Variants in DNAH14 observed in about 807,000 individuals in gnomAD.
DNAH14 encodes axonemal beta dynein heavy chain 14.
Under a neutral mutation model 520.9 loss-of-function variants are expected in DNAH14, and 478 were observed. The ratio of observed to expected loss-of-function variants is 0.92; its 90% confidence interval spans 0.85 to 0.99. DNAH14 has a LOEUF of 0.99. DNAH14 is among the 50% of genes least tolerant of loss of function. The pLI is 0.00. For synonymous variants in DNAH14, 1,581 were observed against 1,757.2 expected, an observed-to-expected ratio of 0.90 and a Z score of 2.51; for missense variants, 4,831 against 5,234.5, an observed-to-expected ratio of 0.92 and a Z score of 2.38.
At chr1:224,951,707 G>A (rs1240048226) in intron 1 of DNAH14, among the ~76,000 whole-genome samples, 3 of 140,476 alleles carry the variant, frequency 2.1e-5, no homozygotes, top group Non-Finnish European at 4.5e-5. Context: ...CTGGAGTGCA[G>A]TGGCACAATC....
chr1:224,957,639 A>G (rs950346298), intron 3 of DNAH14, among the ~76,000 whole-genome samples: 1 of 152,142 alleles, frequency 6.6e-6, no homozygotes, highest in Non-Finnish European at 1.5e-5. Context: ...GGACTCACCC[A>G]AAGGAAACAA....
chr1:225,129,754 A>T (rs1177488494), intron 27 of DNAH14, among the ~76,000 whole-genome samples: 1 of 152,102 alleles, frequency 6.6e-6, no homozygotes, highest in African/African-American at 2.4e-5. Context: ...GGACATAGGC[A>T]TGGGCAAGGA....
chr1:225,252,239 G>T, intron 43 of DNAH14, 62 bp from the exon 44 acceptor site: 1 of 865,226 alleles, frequency 1.2e-6, no homozygotes, highest in Non-Finnish European at 1.9e-6. Flanking sequence ...AGTTTACATG[G>T]TTAGTGAAAC....
intron 79 of DNAH14, among the ~76,000 whole-genome samples, chr1:225,379,717 G>T (rs771174506): frequency 6.6e-6 from 1 of 152,024 alleles, no homozygotes; most frequent in Non-Finnish European, 1.5e-5. Context: ...TAGAGACAGG[G>T]TTTTACCATG....
rs186266333 is a variant in DNAH14 at position 225,331,426 on chromosome 1, T to C, written c.9724-11T>C. On this transcript the variant is annotated splice_polypyrimidine_tract_variant and intron_variant, in intron 64 of 85. Coordinates refer to ENST00000682510, the MANE Select transcript of DNAH14 (RefSeq NM_001367479.1). Reference sequence around the variant, plus strand: ...GATATTTTTCTCAATAATGAATTAATTATCTTTCAGGTTGAAGAACATTTG... The same window carrying C: ...GATATTTTTCTCAATAATGAATTAACTATCTTTCAGGTTGAAGAACATTTG... 3.9e-6 allele frequency: 6 copies of C among 1,547,606 alleles called. No homozygotes were observed. In the African/African-American group the frequency reaches 8.2e-5, roughly 21 times the overall value.
intron 23 of DNAH14, among the ~76,000 whole-genome samples, chr1:225,105,373 G>A (rs535009417): frequency 6.6e-6 from 1 of 152,270 alleles, no homozygotes; most frequent in East Asian, 1.9e-4. Context: ...TTGATTTGGG[G>A]TGGAGAGTTC....
chr1:225,185,425 G>C lies in DNAH14; in HGVS notation c.5670G>C (p.Lys1890Asn), dbSNP rs2084571948. ...TTGCAGAAAGAAAATCTGCTTCAAA[G>C]GTAAATGTTCTGTTAAATAAAATGT... ...LSVAERKSAS[K>N]ISERKGKVDI... The change falls in exon 37 of 86, where the codon AAG becomes AAC. Residue 1890 changes from lysine to asparagine, a missense_variant and splice_region_variant. Transcript: ENST00000682510. 6.6e-7 allele frequency: 1 copy of C among 1,526,132 alleles called. No homozygotes were observed. The highest frequency in any genetic ancestry group is 1.4e-5 in the African/African-American group (1 of 71,572). 94.5% of individuals were successfully genotyped at this position (1,526,132 alleles called of 1,614,324 possible).
intron 35 of DNAH14, among the ~76,000 whole-genome samples, chr1:225,167,715 A>G (rs1344120102): frequency 6.6e-6 from 1 of 152,332 alleles, no homozygotes; most frequent in East Asian, 1.9e-4. Context: ...TGAATTTGCT[A>G]TCAGGTGTCT....
intron 36 of DNAH14, among the ~76,000 whole-genome samples, chr1:225,183,586 A>G (rs955298471): frequency 6.6e-6 from 1 of 152,104 alleles, no homozygotes; most frequent in East Asian, 1.9e-4. Flanking sequence ...AAGAAAATTG[A>G]GAGATTGAGA....
rs2150298742 is a variant in DNAH14 at position 225,333,452 on chromosome 1, C to T, written c.10026C>T (p.Gly3342=). 1 of 1,551,226 alleles carries T rather than the reference C, an allele frequency of 6.4e-7. No homozygotes were observed. The highest frequency in any genetic ancestry group is 1.7e-4 in the Middle Eastern group (1 of 5,982). Residue 3342 remains glycine, a synonymous_variant, in exon 66 of 86, where the codon GGC becomes GGT. Transcript: ENST00000682510. ...NKWETFCIEN[G]ISLSSKFSLI... ...GGGAGACATTCTGCATTGAAAATGG[C>T]ATTTCTTTGTCTTCCAAATTCTCTT...
At chr1:225,083,358 G>C (rs1275724336) in intron 20 of DNAH14, among the ~76,000 whole-genome samples, 1 of 151,960 alleles carries the variant, frequency 6.6e-6, no homozygotes, top group Non-Finnish European at 1.5e-5. Flanking sequence ...ATGATCTGTT[G>C]TAATGAGGAA....
intron 27 of DNAH14, among the ~76,000 whole-genome samples, chr1:225,134,087 CTT>C (rs1447254441): frequency 6.6e-6 from 1 of 152,124 alleles, no homozygotes; most frequent in Non-Finnish European, 1.5e-5. Flanking sequence ...TATCCTGAGA[CTT>C]TGCTGAAGTT....
rs568506111 is a variant in DNAH14 at position 225,073,903 on chromosome 1, A to G, written c.2425-5304A>G. Among the ~76,000 whole-genome samples, 4 of 150,638 alleles carry G rather than the reference A, an allele frequency of 2.7e-5. No individual in the cohort carries two copies. In the South Asian group the frequency reaches 8.4e-4, roughly 32 times the overall value. On this transcript the variant is annotated intron_variant, in intron 17 of 85. Transcript: ENST00000682510. ...TCACCATGTTGGCCAAAATGTTCTC[A>G]ATCTCTTGACCTTGTGATCCACCTG... is the stretch of plus-strand genomic sequence containing the variant.
chr1:225,090,596 A>T (rs1289468404), intron 21 of DNAH14, among the ~76,000 whole-genome samples: 10 of 152,162 alleles, frequency 6.6e-5, no homozygotes, highest in Admixed American at 6.5e-4. Flanking sequence ...TTTTCAACAA[A>T]TATGCAAAGA....
chr1:225,337,559 T>C, intron 67 of DNAH14, 63 bp downstream of exon 67: 1 of 1,343,852 alleles, frequency 7.4e-7, no homozygotes, highest in South Asian at 1.3e-5. Context: ...GCACTGAGCA[T>C]AAAGGCTAAA....
At chr1:225,389,496 TATA>T (rs1221480192) in intron 82 of DNAH14, among the ~76,000 whole-genome samples, 5 of 152,264 alleles carry the variant, frequency 3.3e-5, no homozygotes, top group Non-Finnish European at 7.3e-5. Flanking sequence ...GGATTCCCAC[TATA>T]ATAATGACAT....
intron 66 of DNAH14, among the ~76,000 whole-genome samples, chr1:225,334,383 C>T (rs2094867579): frequency 6.6e-6 from 1 of 152,146 alleles, no homozygotes; most frequent in Admixed American, 6.6e-5. Context: ...TAAGCCTAAG[C>T]CACTTGGAAG....
chr1:224,938,935 AAGAC>A (rs2059219255), intron 1 of DNAH14, among the ~76,000 whole-genome samples: 1 of 152,224 alleles, frequency 6.6e-6, no homozygotes, highest in Non-Finnish European at 1.5e-5. Flanking sequence ...CAAGCACAGA[AAGAC>A]AGATATCACA....
intron 60 of DNAH14, among the ~76,000 whole-genome samples, chr1:225,316,121 C>G (rs2094463522): frequency 6.6e-6 from 1 of 152,206 alleles, no homozygotes; most frequent in Non-Finnish European, 1.5e-5. Context: ...TCTGCCCAGT[C>G]CAAAATTTGG....
Sources: gnomAD v4.1 joint callset for allele counts (sites outside exome capture counted in the v4.1 genomes callset) on GRCh38, gnomAD v4.1.1 for gene constraint, MANE v1.5 for transcripts, NCBI Gene and HGNC (gene_info 2026-07-23, HGNC 2026-07-21) for gene names.